PRKG1: variants seen among roughly 807,000 people sequenced by gnomAD.
PRKG1 encodes the protein cGMP-dependent protein kinase 1.
In PRKG1, 35 loss-of-function variants were observed where a neutral mutation model predicts 88.1. The ratio of observed to expected loss-of-function variants is 0.40; its 90% CI spans 0.30 to 0.53. The LOEUF (loss-of-function observed/expected upper bound fraction) is 0.53, where lower values mean the gene tolerates loss of function less well. Among genes scored for constraint, PRKG1 ranks in the 20% least tolerant of loss-of-function variants. PRKG1 has a pLI of 0.59. For synonymous variants in PRKG1, 303 were observed against 292.5 expected, an observed-to-expected ratio of 1.04 and a Z score of -0.37; for missense variants, 540 against 839.8, an observed-to-expected ratio of 0.64 and a Z score of 4.41.
At chr10:51,342,215 G>A (rs1363183559) in intron 2 of PRKG1, among the ~76,000 whole-genome samples, 2 of 152,122 alleles carry the variant, frequency 1.3e-5, no homozygotes, top group Non-Finnish European at 2.9e-5. Flanking sequence ...GTTATTTGTA[G>A]GATAAGTAAT....
At chr10:51,959,538 G>A (rs149871434) in intron 5 of PRKG1, among the ~76,000 whole-genome samples, 275 of 152,238 alleles carry the variant, frequency 1.8e-3, no homozygotes, top group African/African-American at 5.8e-3. Context: ...TGCCTCCTAG[G>A]TTGGTCACAA....
At chr10:51,295,431 TTTG>T (rs1163500987) in intron 2 of PRKG1, among the ~76,000 whole-genome samples, 2 of 152,144 alleles carry the variant, frequency 1.3e-5, no homozygotes, top group Non-Finnish European at 2.9e-5. Context: ...TTTTAGATAG[TTTG>T]TTGTTTGTGT....
At chr10:51,154,331 G>C (rs9414829) in intron 2 of PRKG1, among the ~76,000 whole-genome samples, 2 of 151,794 alleles carry the variant, frequency 1.3e-5, no homozygotes, top group African/African-American at 4.8e-5. Context: ...TGTCACAAAG[G>C]GGGTGATGTT....
At chr10:51,564,834 C>T (rs1339759128) in intron 3 of PRKG1, among the ~76,000 whole-genome samples, 1 of 152,056 alleles carries the variant, frequency 6.6e-6, no homozygotes, top group African/African-American at 2.4e-5. Context: ...GTAACTTTCT[C>T]TCATAATTGT....
intron 2 of PRKG1, among the ~76,000 whole-genome samples, chr10:51,373,345 AG>A (rs1314916385): frequency 2.0e-5 from 3 of 152,202 alleles, no homozygotes; most frequent in Non-Finnish European, 4.4e-5. Context: ...ACTGCAAGTA[AG>A]GCATCAGCCA....
At chr10:52,206,108 TTC>T (rs969143708) in intron 9 of PRKG1, among the ~76,000 whole-genome samples, 1 of 45,858 alleles carries the variant, frequency 2.2e-5, no homozygotes, top group Admixed American at 2.6e-4. Flanking sequence ...TTCTTTTTAA[TTC>T]TTTTTTTCTT....
intron 9 of PRKG1, among the ~76,000 whole-genome samples, chr10:52,188,280 ATATATATGTG>A (rs1839265131): frequency 4.0e-5 from 1 of 25,050 alleles, no homozygotes; most frequent in Non-Finnish European, 1.2e-4. Flanking sequence ...ATATATATAC[ATATATATGTG>A]TATATATATA....
At chr10:52,125,166 A>T (rs1847903922) in intron 7 of PRKG1, among the ~76,000 whole-genome samples, 1 of 152,158 alleles carries the variant, frequency 6.6e-6, no homozygotes, top group Non-Finnish European at 1.5e-5. Context: ...TATGTGCTAT[A>T]CTTACATATA....
intron 3 of PRKG1, among the ~76,000 whole-genome samples, chr10:51,494,283 G>A (rs1840790583): frequency 1.3e-5 from 2 of 152,086 alleles, no homozygotes; most frequent in African/African-American, 4.8e-5. Context: ...CAAATCCATT[G>A]TTCTATTTTC....
chr10:52,277,951 C>A (rs921398336), intron 12 of PRKG1, among the ~76,000 whole-genome samples: 2 of 152,094 alleles, frequency 1.3e-5, no homozygotes, highest in Non-Finnish European at 2.9e-5. Context: ...TAACAGTAAT[C>A]AAGCATTTGT....
At chr10:51,776,721 G>A (rs1239488601) in intron 3 of PRKG1, among the ~76,000 whole-genome samples, 2 of 152,074 alleles carry the variant, frequency 1.3e-5, no homozygotes, top group Non-Finnish European at 2.9e-5. Context: ...AGTAACTCAG[G>A]AGGCTGAGGC....
rs559862615 is a variant in PRKG1 at position 50,991,304 on chromosome 10, C to G, written c.-75C>G. ...ACCCGCGCTCTCCGCTGCCGGCTGC[C>G]GTCCCAGCCGCCGCCGCCGCCGCCG... On this transcript the variant is annotated 5_prime_UTR_variant, in exon 1 of 18. Transcript: ENST00000401604. The surrounding 1 kb of genome is among the most constrained non-coding windows in gnomAD (Gnocchi z 4.5). The G allele has an allele frequency of 7.0e-7, 1 of 1,426,278 alleles. No individual in the cohort carries two copies. Among genetic ancestry groups the G allele is most frequent in the Non-Finnish European group, 9.2e-7 (1 of 1,092,674 alleles). The allele number at this position is 1,426,278 out of a possible 1,614,324, so 88.4% of individuals were successfully genotyped here. A position where few individuals can be genotyped will look rare whatever the true frequency, so the allele number is the denominator to read the frequency against.
chr10:51,241,242 C>G lies in PRKG1; in HGVS notation c.478+87912C>G, dbSNP rs80117721. ...TAGGCTGATATTCTTAAGGCTCTACCCCAAGACAATAGTCACGGCGTCATG... is the reference window on the plus strand; with the variant it reads ...TAGGCTGATATTCTTAAGGCTCTACGCCAAGACAATAGTCACGGCGTCATG... On this transcript the variant is annotated intron_variant, in intron 2 of 17. Coordinates refer to ENST00000373980, the MANE Select transcript of PRKG1 (RefSeq NM_006258.4). Among the ~76,000 whole-genome samples the G allele has an allele frequency of 7.8e-3, 1,181 of 151,908 alleles. 14 individuals carry two copies. The highest frequency in any genetic ancestry group is 0.027 in the African/African-American group (1,106 of 41,422).
chr10:51,303,693 A>C (rs1564438159), intron 2 of PRKG1, among the ~76,000 whole-genome samples: 1 of 152,110 alleles, frequency 6.6e-6, no homozygotes, highest in African/African-American at 2.4e-5. Context: ...TTTTGTCTCC[A>C]GTGTTATTGC....
At chr10:51,309,045 G>T (rs545421596) in intron 2 of PRKG1, among the ~76,000 whole-genome samples, 1 of 152,236 alleles carries the variant, frequency 6.6e-6, no homozygotes, top group African/African-American at 2.4e-5. Flanking sequence ...AAGCAGGAAG[G>T]GGTAAGTTCC....
At chr10:51,435,425 CATATAT>C (rs56689011) in intron 2 of PRKG1, among the ~76,000 whole-genome samples, 1 of 144,208 alleles carries the variant, frequency 6.9e-6, no homozygotes, top group African/African-American at 2.6e-5. Flanking sequence ...ACATTACTGA[CATATAT>C]ATATATATAT....
At chr10:51,684,145 A>G (rs1369652184) in intron 3 of PRKG1, among the ~76,000 whole-genome samples, 3 of 152,236 alleles carry the variant, frequency 2.0e-5, no homozygotes, top group Non-Finnish European at 4.4e-5. Flanking sequence ...ATGAATAAAT[A>G]AAATGTGGTA....
intron 12 of PRKG1, among the ~76,000 whole-genome samples, chr10:52,276,197 T>C (rs566305458): frequency 6.6e-6 from 1 of 152,256 alleles, no homozygotes; most frequent in East Asian, 1.9e-4. Context: ...CTCTGATTGC[T>C]CTGGCTAGGA....
intron 3 of PRKG1, among the ~76,000 whole-genome samples, chr10:51,639,366 C>T (rs564696188): frequency 4.5e-5 from 6 of 134,598 alleles, no homozygotes; most frequent in South Asian, 2.5e-4. Flanking sequence ...CCTCGGAGGC[C>T]GAGCTTGCAG....
Sources: gnomAD v4.1 joint callset for allele counts (sites outside exome capture counted in the v4.1 genomes callset) on GRCh38, gnomAD v4.1.1 for gene constraint, Gnocchi (gnomAD v3.1) non-coding constraint, MANE v1.5 for transcripts, NCBI Gene and HGNC (gene_info 2026-07-23, HGNC 2026-07-21) for gene names.